The following PLEK variants were observed in gnomAD, a reference collection of about 807,000 sequenced individuals.
PLEK encodes pleckstrin.
PLEK carries 25 observed loss-of-function variants against 43.9 expected under a neutral mutation model. The ratio of observed to expected loss-of-function variants is 0.57; its 90% confidence interval spans 0.41 to 0.79. The LOEUF (loss-of-function observed/expected upper bound fraction) is 0.79, where lower values mean the gene tolerates loss of function less well. Among genes scored for constraint, PLEK ranks in the 30% least tolerant of loss-of-function variants. PLEK has a pLI of 0.00. For synonymous variants in PLEK, 152 were observed against 144.4 expected, an observed-to-expected ratio of 1.05 and a Z score of -0.38; for missense variants, 396 against 413.3, an observed-to-expected ratio of 0.96 and a Z score of 0.36.
chr2:68,387,010 AT>A (rs1257252205), intron 5 of PLEK, among the ~76,000 whole-genome samples: 3 of 152,000 alleles, frequency 2.0e-5, no homozygotes, highest in African/African-American at 7.2e-5. Flanking sequence ...ACTTATTATT[AT>A]TTTTTATTTA....
chr2:68,379,649 C>G (rs1450486372), intron 1 of PLEK, among the ~76,000 whole-genome samples: 2 of 151,860 alleles, frequency 1.3e-5, no homozygotes, highest in Non-Finnish European at 2.9e-5. Context: ...TGGTGTGAAC[C>G]CGACATGAAA....
At chr2:68,368,168 G>C (rs754296766) in intron 1 of PLEK, among the ~76,000 whole-genome samples, 8 of 152,172 alleles carry the variant, frequency 5.3e-5, no homozygotes, top group Non-Finnish European at 1.0e-4. Context: ...TGGTTAAGAG[G>C]GGGAGGGAAA....
chr2:68,391,322 A>T (rs760471231), intron 6 of PLEK, among the ~76,000 whole-genome samples: 4 of 152,280 alleles, frequency 2.6e-5, no homozygotes, highest in Non-Finnish European at 5.9e-5. Flanking sequence ...TAAGTTGGTG[A>T]TTGTCCAGCA....
At chr2:68,373,033 T>C (rs569081648) in intron 1 of PLEK, among the ~76,000 whole-genome samples, 1 of 152,144 alleles carries the variant, frequency 6.6e-6, no homozygotes, top group Non-Finnish European at 1.5e-5. Flanking sequence ...TGGTAGATGA[T>C]CCTAAATTTC....
At chr2:68,380,562 T>C in intron 2 of PLEK, 79 bp downstream of exon 2, 1 of 1,470,334 alleles carries the variant, frequency 6.8e-7, no homozygotes, top group South Asian at 1.2e-5. Flanking sequence ...ACAATGTGGG[T>C]GGTGCTCCTT....
intron 1 of PLEK, among the ~76,000 whole-genome samples, chr2:68,368,710 A>G (rs1673331468): frequency 6.6e-6 from 1 of 152,216 alleles, no homozygotes; most frequent in Non-Finnish European, 1.5e-5. Context: ...ACTGGAAAAA[A>G]TGAGAGAAGA....
chr2:68,386,837 A>C, intron 5 of PLEK, 151 bp downstream of exon 5: 1 of 598,644 alleles, frequency 1.7e-6, no homozygotes, highest in Admixed American at 2.9e-5. Flanking sequence ...TGAAGCTCCC[A>C]GGCCCATTTA....
intron 1 of PLEK, among the ~76,000 whole-genome samples, chr2:68,376,916 T>G (rs1362560129): frequency 6.6e-6 from 1 of 152,148 alleles, no homozygotes. Context: ...CTCCCTGCAG[T>G]CCCCCACTTC....
At chr2:68,386,980 A>C (rs1673758512) in intron 5 of PLEK, among the ~76,000 whole-genome samples, 1 of 152,074 alleles carries the variant, frequency 6.6e-6, no homozygotes, top group Non-Finnish European at 1.5e-5. Context: ...GGACATTTTA[A>C]AGTTTATTGT....
chr2:68,375,790 G>C (rs1314553899), intron 1 of PLEK, among the ~76,000 whole-genome samples: 1 of 152,100 alleles, frequency 6.6e-6, no homozygotes, highest in Non-Finnish European at 1.5e-5. Context: ...TGATATCATG[G>C]GTTAAAGAAT....
chr2:68,378,026 CTT>C (rs1558497628), intron 1 of PLEK, among the ~76,000 whole-genome samples: 1 of 152,096 alleles, frequency 6.6e-6, no homozygotes, highest in Non-Finnish European at 1.5e-5. Context: ...ATTTTACACA[CTT>C]TATATATAAA....
chr2:68,379,994 G>T (rs1328586252), intron 1 of PLEK, among the ~76,000 whole-genome samples: 3 of 152,178 alleles, frequency 2.0e-5, no homozygotes, highest in Non-Finnish European at 4.4e-5. Flanking sequence ...ATCACGGTGG[G>T]TCTGTGCAGT....
rs749528375 is a variant in PLEK, at chr2:68,380,902, A to G, written c.378A>G (p.Leu126=). Reference sequence around the variant, plus strand: ...TTCGACTGCCAGAAACCATTGACTTAGGGTGATTTTCTGTGTTTACTTCTC... The same window carrying G: ...TTCGACTGCCAGAAACCATTGACTTGGGGTGATTTTCTGTGTTTACTTCTC... ...RSIRLPETID[L]GALYLSMKDT... is the part of the protein sequence containing the mutation. Residue 126 remains leucine (L), a splice_region_variant and synonymous_variant, in exon 3 of 9, where the codon TTA becomes TTG. Coordinates refer to ENST00000234313, the MANE Select transcript of PLEK (RefSeq NM_002664.3). The G allele has an allele frequency of 6.8e-6, 11 of 1,612,178 alleles. No individual in the cohort carries two copies. Among genetic ancestry groups the G allele is most frequent in the Non-Finnish European group, 9.3e-6 (11 of 1,178,942 alleles).
intron 5 of PLEK, among the ~76,000 whole-genome samples, chr2:68,386,997 TTTAC>T (rs1673758905): frequency 6.6e-6 from 1 of 152,132 alleles, no homozygotes; most frequent in South Asian, 2.1e-4. Flanking sequence ...TTGTTTCCTA[TTTAC>T]TTATTATTAT....
chr2:68,386,428 C>T (rs1430419300), intron 4 of PLEK, 74 bp from the exon 5 acceptor site: 1 of 1,146,670 alleles, frequency 8.7e-7, no homozygotes, highest in Non-Finnish European at 1.3e-6. Context: ...GAGCTGGAGT[C>T]AGTTCAGGGG....
intron 1 of PLEK, among the ~76,000 whole-genome samples, chr2:68,377,212 A>G (rs2103766417): frequency 6.6e-6 from 1 of 152,286 alleles, no homozygotes; most frequent in South Asian, 2.1e-4. Context: ...TCTATTGTGA[A>G]CAGTGCTGCA....
intron 3 of PLEK, among the ~76,000 whole-genome samples, chr2:68,381,176 C>T (rs1452959083): frequency 6.6e-6 from 1 of 151,968 alleles, no homozygotes; most frequent in Non-Finnish European, 1.5e-5. Flanking sequence ...ATCATCATTG[C>T]ATTTATAACA....
intron 6 of PLEK, among the ~76,000 whole-genome samples, chr2:68,392,179 T>A (rs1422180862): frequency 1.3e-5 from 2 of 149,616 alleles, no homozygotes; most frequent in Non-Finnish European, 3.0e-5. Context: ...CTCCTCCTTC[T>A]TCTTCTTCTT....
intron 1 of PLEK, among the ~76,000 whole-genome samples, chr2:68,369,894 C>T (rs1673365968): frequency 6.6e-6 from 1 of 152,158 alleles, no homozygotes; most frequent in South Asian, 2.1e-4. Flanking sequence ...ATAAATTTTC[C>T]AACCTGGAAG....
Sources: gnomAD v4.1 joint callset for allele counts (sites outside exome capture counted in the v4.1 genomes callset) on GRCh38, gnomAD v4.1.1 for gene constraint, MANE v1.5 for transcripts, NCBI Gene and HGNC (gene_info 2026-07-23, HGNC 2026-07-21) for gene names.